SH3BP2: variants seen among roughly 807,000 people sequenced by gnomAD.
SH3BP2 encodes the protein SH3 domain binding protein 2.
A neutral mutation model predicts 56.2 loss-of-function variants in SH3BP2; 38 were observed. The observed-to-expected ratio is 0.68, with a 90% CI of 0.52 to 0.89. The LOEUF (loss-of-function observed/expected upper bound fraction) is 0.89, where lower values mean the gene tolerates loss of function less well. SH3BP2 is among the 40% of genes least tolerant of loss of function. SH3BP2 has a pLI of 0.00. For missense variants in SH3BP2, 748 were observed against 762.6 expected, an observed-to-expected ratio of 0.98 and a Z score of 0.23; for synonymous variants, 346 against 316.7, an observed-to-expected ratio of 1.09 and a Z score of -0.98.
chr4:2,803,411 C>T (rs1366024018), intron 1 of SH3BP2, among the ~76,000 whole-genome samples: 3 of 152,232 alleles, frequency 2.0e-5, no homozygotes, highest in Non-Finnish European at 4.4e-5. Flanking sequence ...GGCCTAGGGA[C>T]CCAGTGCTGG....
At chr4:2,826,800 G>C (rs62637096) in intron 5 of SH3BP2, 134,559 of 397,062 alleles carry the variant, frequency 0.34, 23,389 homozygotes, top group East Asian at 0.53. Flanking sequence ...GTGTGAACAT[G>C]TGTGCTTGTC....
chr4:2,826,994 T>C, intron 5 of SH3BP2: 1 of 664,306 alleles, frequency 1.5e-6, no homozygotes, highest in East Asian at 2.9e-5. Flanking sequence ...TATGTGTGCA[T>C]GTGTGTGTCT....
intron 1 of SH3BP2, chr4:2,794,260 C>G: frequency 6.6e-6 from 1 of 152,386 alleles, no homozygotes; most frequent in African/African-American, 2.4e-5. Flanking sequence ...CCTCTGGGTT[C>G]AGGTCAGCCC....
intron 3 of SH3BP2, among the ~76,000 whole-genome samples, chr4:2,823,922 T>TG (rs1445867152): frequency 6.6e-6 from 1 of 152,216 alleles, no homozygotes; most frequent in Non-Finnish European, 1.5e-5. Flanking sequence ...CGGGGTCCCC[T>TG]GGGGAAGGTC....
intron 1 of SH3BP2, among the ~76,000 whole-genome samples, chr4:2,819,654 G>T (rs369641088): frequency 1.3e-5 from 2 of 152,300 alleles, no homozygotes; most frequent in South Asian, 2.1e-4. Context: ...GGGTCGGGGG[G>T]TACTGTTCAC....
At chr4:2,812,057 T>A (rs1400513722) in intron 1 of SH3BP2, 7 of 730,274 alleles carry the variant, frequency 9.6e-6, no homozygotes, top group Non-Finnish European at 1.4e-5. Context: ...GGGATGCAGC[T>A]GACCTTGCGC....
intron 1 of SH3BP2, chr4:2,793,603 G>A (rs939228497): frequency 2.0e-5 from 3 of 151,840 alleles, no homozygotes; most frequent in Non-Finnish European, 2.9e-5. Flanking sequence ...CTGGCCCCGC[G>A]GCGGGGCCCC....
At position 2,831,696 on chromosome 4, in the gene SH3BP2, A is replaced by G; in HGVS notation, c.1350+17A>G. On this transcript the variant is annotated intron_variant, in intron 9 of 12. Coordinates refer to ENST00000503393, the MANE Select transcript of SH3BP2 (RefSeq NM_001122681.2). The surrounding 1 kb of genome is among the most constrained non-coding windows in gnomAD (Gnocchi z 4.1). ...TATGAGAAGGCAAGGCTGAGCGGCA[A>G]GCCTGGGTCCCAGTGGCCAGTAGGT... is the stretch of plus-strand genomic sequence containing the variant. 6.4e-7 allele frequency: 1 copy of G among 1,572,652 alleles called. No homozygotes were observed. Among genetic ancestry groups the G allele is most frequent in the Non-Finnish European group, 8.7e-7 (1 of 1,155,412 alleles).
chr4:2,812,420 C>T (rs1456722332), intron 1 of SH3BP2: 10 of 1,550,162 alleles, frequency 6.5e-6, no homozygotes, highest in African/African-American at 1.4e-5. Flanking sequence ...GGCCCCAGGA[C>T]ACCGGCCCCG....
chr4:2,833,096 C>A, intron 12 of SH3BP2, 47 bp downstream of exon 12: 1 of 1,565,780 alleles, frequency 6.4e-7, no homozygotes, highest in Non-Finnish European at 8.8e-7. Context: ...CATGGCCTGG[C>A]AAGGGGCAGG....
chr4:2,802,402 ATATGTGTG>A (rs542544428), intron 1 of SH3BP2, among the ~76,000 whole-genome samples: 3,457 of 100,466 alleles, frequency 0.034, 83 homozygotes, highest in Admixed American at 0.087. Context: ...TCAAAAAAAT[ATATGTGTG>A]TGTGTGTGTG....
At chr4:2,822,835 C>A in intron 2 of SH3BP2, 100 bp from the exon 3 acceptor site, 16 of 848,140 alleles carry the variant, frequency 1.9e-5, no homozygotes, top group Middle Eastern at 2.4e-4. Context: ...GGCTTAGAGG[C>A]AGGAGGCCTG....
chr4:2,812,381 G>T, intron 1 of SH3BP2: 1 of 1,550,280 alleles, frequency 6.5e-7, no homozygotes, highest in Non-Finnish European at 8.7e-7. Context: ...TGCCTGGGCT[G>T]GTGGCCCCTG....
At position 2,834,139 on chromosome 4, in the gene SH3BP2, C is replaced by T. The variant is rs140456631; in HGVS notation, c.*305C>T. The stretch of plus-strand genomic sequence containing the variant: ...GCTCCAAGGACAGGAACACTGGTCC[C>T]CCCATCACACTCACCCCTAAGTGGG... On this transcript the variant is annotated 3_prime_UTR_variant, in exon 13 of 13. Transcript: ENST00000503393. 1.8e-3 allele frequency: 673 copies of T among 368,490 alleles called. 3 individuals carry two copies. The highest frequency in any genetic ancestry group is 2.6e-3 in the Non-Finnish European group (515 of 199,598). 22.8% of individuals were successfully genotyped at this position (368,490 alleles called of 1,614,324 possible). A position where few individuals can be genotyped will look rare whatever the true frequency, so the allele number is the denominator to read the frequency against.
In SH3BP2 at chr4:2,839,197, G is replaced by T; in HGVS notation, c.*5363G>T. The T allele has an allele frequency of 6.7e-6, 1 of 150,058 alleles. No homozygotes were observed. The allele number at this position is 150,058 out of a possible 1,614,324, so 9.3% of individuals were successfully genotyped here. ...TTCTTTTTTTTTTTTTCTGAGACAG[G>T]GTCTCACTCTGTTGCCCTGGCTGGA... On this transcript the variant is annotated 3_prime_UTR_variant, in exon 13 of 13. Coordinates refer to ENST00000503393, the MANE Select transcript of SH3BP2 (RefSeq NM_001122681.2).
At chr4:2,812,299 C>T in intron 1 of SH3BP2, 1 of 1,547,830 alleles carries the variant, frequency 6.5e-7, no homozygotes, top group Non-Finnish European at 8.7e-7. Context: ...TCAGAAGCAG[C>T]AGGAGTGAGC....
intron 6 of SH3BP2, 75 bp downstream of exon 6, chr4:2,827,393 GGGA>G (rs1724727769): frequency 1.4e-6 from 2 of 1,409,578 alleles, no homozygotes; most frequent in African/African-American, 2.8e-5. Flanking sequence ...GTGGAGGAGA[GGGA>G]GGTGTGTTCG....
intron 1 of SH3BP2, chr4:2,812,106 A>G: frequency 8.2e-7 from 1 of 1,218,598 alleles, no homozygotes; most frequent in South Asian, 1.6e-5. Flanking sequence ...ACAGGATGGG[A>G]GGGCAGGAGC....
rs371241038 is a variant in SH3BP2 at position 2,829,842 on chromosome 4, C to T, written c.936C>T (p.His312=). ...SPSPEPWTPG[H]GACSTSSAAI... is the part of the protein sequence containing the mutation. ...GCCCGGAGCCCTGGACCCCTGGCCA[C>T]GGGGCCTGCTCCACTTCCAGTGCTG... The change falls in exon 8 of 13, where the codon CAC becomes CAT. Residue 312 remains histidine, a synonymous_variant. Transcript: ENST00000503393. The surrounding 1 kb of genome is among the most constrained non-coding windows in gnomAD (Gnocchi z 4.9). The T allele has an allele frequency of 6.8e-6, 11 of 1,613,638 alleles. No individual in the cohort carries two copies. The highest frequency in any genetic ancestry group is 5.5e-5 in the South Asian group (5 of 91,084).
Sources: allele counts gnomAD v4.1 joint callset (sites outside exome capture counted in the v4.1 genomes callset), GRCh38; gene constraint gnomAD v4.1.1; non-coding constraint Gnocchi (gnomAD v3.1); transcripts MANE v1.5; gene names NCBI Gene and HGNC (gene_info 2026-07-23, HGNC 2026-07-21).